SLC9A9: variants seen among roughly 807,000 people sequenced by gnomAD.
The protein encoded by SLC9A9 is solute carrier family 9 member A9.
In SLC9A9, 62 loss-of-function variants were observed where a neutral mutation model predicts 77.8. The ratio of observed to expected loss-of-function variants is 0.80; its 90% confidence interval spans 0.65 to 0.98. The LOEUF is 0.98. Among genes scored for constraint, SLC9A9 ranks in the 50% least tolerant of loss-of-function variants. The pLI, the probability that SLC9A9 is intolerant of heterozygous loss-of-function variation, is 0.00. For missense variants in SLC9A9, 775 were observed against 774.9 expected (o/e 1.00, Z 0.00); for synonymous variants, 320 against 283.5 (o/e 1.13, Z -1.29).
chr3:143,478,661 G>A (rs1358473892), intron 11 of SLC9A9, among the ~76,000 whole-genome samples: 2 of 152,184 alleles, frequency 1.3e-5, no homozygotes, highest in Admixed American at 6.5e-5. Context: ...TTGCTCATTT[G>A]CACATATAAT....
At chr3:143,298,629 A>G (rs182275037) in intron 14 of SLC9A9, among the ~76,000 whole-genome samples, 1 of 152,352 alleles carries the variant, frequency 6.6e-6, no homozygotes, top group Admixed American at 6.5e-5. Flanking sequence ...AGTATAGCTG[A>G]ACTATTTCAC....
chr3:143,507,374 A>AT (rs1381594885), intron 9 of SLC9A9, among the ~76,000 whole-genome samples: 15 of 151,850 alleles, frequency 9.9e-5, no homozygotes, highest in Admixed American at 9.2e-4. Flanking sequence ...CGCCCGGCTA[A>AT]TTTTTTGTAT....
At chr3:143,482,949 C>A (rs1420221873) in intron 11 of SLC9A9, among the ~76,000 whole-genome samples, 1 of 152,180 alleles carries the variant, frequency 6.6e-6, no homozygotes, top group East Asian at 1.9e-4. Flanking sequence ...GCTTAGCATT[C>A]CTCTTAAGCC....
At chr3:143,641,168 T>A (rs2108738319) in intron 6 of SLC9A9, among the ~76,000 whole-genome samples, 1 of 152,040 alleles carries the variant, frequency 6.6e-6, no homozygotes, top group South Asian at 2.1e-4. Context: ...ACATGACATG[T>A]CCACAATTGG....
chr3:143,294,951 G>C (rs1391489937), intron 14 of SLC9A9, among the ~76,000 whole-genome samples: 1 of 152,180 alleles, frequency 6.6e-6, no homozygotes, highest in Admixed American at 6.5e-5. Context: ...GCAAAATGAA[G>C]AGCCTGATCA....
chr3:143,698,148 T>C (rs1195309197), intron 4 of SLC9A9: 3 of 153,570 alleles, frequency 2.0e-5, no homozygotes, highest in African/African-American at 7.2e-5. Context: ...TAGACGCAAT[T>C]TGATGGACGA....
At chr3:143,780,103 T>C (rs1191131657) in intron 4 of SLC9A9, among the ~76,000 whole-genome samples, 1 of 152,226 alleles carries the variant, frequency 6.6e-6, no homozygotes, top group African/African-American at 2.4e-5. Flanking sequence ...AATAGATACC[T>C]TTTTGCTGCA....
At chr3:143,778,048 A>AAAAAAAAAAAT (rs1272366838) in intron 4 of SLC9A9, among the ~76,000 whole-genome samples, 2 of 151,092 alleles carry the variant, frequency 1.3e-5, no homozygotes, top group Admixed American at 6.6e-5. Flanking sequence ...AAAAAAAAAA[A>AAAAAAAAAAAT]AAAAGATGCT....
chr3:143,829,632 GA>G (rs2108887402), intron 2 of SLC9A9, among the ~76,000 whole-genome samples: 1 of 152,270 alleles, frequency 6.6e-6, no homozygotes, highest in South Asian at 2.1e-4. Context: ...CTCCCCAAAT[GA>G]GTGTTAAATA....
At chr3:143,732,779 G>A (rs1934839301) in intron 4 of SLC9A9, among the ~76,000 whole-genome samples, 1 of 152,130 alleles carries the variant, frequency 6.6e-6, no homozygotes, top group African/African-American at 2.4e-5. Flanking sequence ...TTTCTTTCTT[G>A]CAGAAAATAA....
chr3:143,795,934 C>T (rs1301164790), intron 3 of SLC9A9, among the ~76,000 whole-genome samples: 1 of 149,918 alleles, frequency 6.7e-6, no homozygotes, highest in Non-Finnish European at 1.5e-5. Context: ...GACCTGACAG[C>T]AAGAGGGAGC....
intron 9 of SLC9A9, among the ~76,000 whole-genome samples, chr3:143,507,652 T>C (rs979872625): frequency 2.0e-5 from 3 of 152,256 alleles, no homozygotes; most frequent in Non-Finnish European, 4.4e-5. Flanking sequence ...TGTATCTTTT[T>C]GTCTTTGTAA....
At position 143,848,245 on chromosome 3, in the gene SLC9A9, G is replaced by A. The variant is rs1168846308; in HGVS notation, c.78C>T (p.Val26=). The change falls in exon 1 of 16, where the codon GTC becomes GTT. Residue 26 remains valine, a synonymous_variant. Transcript: ENST00000316549. ...FQHQGAVELL[V]FNFLLILTIL... ...TGGTAAGGATGAGCAAAAAATTGAA[G>A]ACAAGCAGCTCCACCGCTCCCTGAT... 1.2e-6 allele frequency: 2 copies of A among 1,613,966 alleles called. No individual in the cohort carries two copies. The highest frequency in any genetic ancestry group is 4.5e-5 in the East Asian group (2 of 44,868).
At chr3:143,321,280 ACCT>A (rs1194482643) in intron 14 of SLC9A9, among the ~76,000 whole-genome samples, 1 of 152,158 alleles carries the variant, frequency 6.6e-6, no homozygotes, top group Non-Finnish European at 1.5e-5. Flanking sequence ...GTTTACTATG[ACCT>A]CCACTGCGGA....
At chr3:143,311,730 T>C (rs181554292) in intron 14 of SLC9A9, among the ~76,000 whole-genome samples, 1 of 152,310 alleles carries the variant, frequency 6.6e-6, no homozygotes, top group East Asian at 1.9e-4. Context: ...CTAATTATGG[T>C]GACAAGGGCG....
chr3:143,660,682 A>C (rs1435892489), intron 5 of SLC9A9, among the ~76,000 whole-genome samples: 1 of 152,196 alleles, frequency 6.6e-6, no homozygotes, highest in Non-Finnish European at 1.5e-5. Flanking sequence ...TCTTACAATA[A>C]GAACGACAAA....
intron 4 of SLC9A9, among the ~76,000 whole-genome samples, chr3:143,713,733 A>G (rs1934258068): frequency 6.6e-6 from 1 of 152,214 alleles, no homozygotes; most frequent in Admixed American, 6.5e-5. Flanking sequence ...AAACAAACAA[A>G]AAACACATAC....
intron 11 of SLC9A9, among the ~76,000 whole-genome samples, chr3:143,474,393 C>T (rs1463093833): frequency 1.3e-5 from 2 of 152,098 alleles, no homozygotes; most frequent in Admixed American, 1.3e-4. Context: ...AACTCTGACT[C>T]TGATAGGAAA....
chr3:143,467,867 C>A (rs921056328), intron 11 of SLC9A9, among the ~76,000 whole-genome samples: 1 of 152,164 alleles, frequency 6.6e-6, no homozygotes. Flanking sequence ...GTAATCTATT[C>A]TCTGTTAGGA....
Sources: allele counts gnomAD v4.1 joint callset (sites outside exome capture counted in the v4.1 genomes callset), GRCh38; gene constraint gnomAD v4.1.1; transcripts MANE v1.5; gene names NCBI Gene and HGNC (gene_info 2026-07-23, HGNC 2026-07-21).